KIF21A: variants seen among roughly 807,000 people sequenced by gnomAD.
KIF21A encodes kinesin-like protein KIF21A.
A neutral mutation model predicts 202.9 loss-of-function variants in KIF21A; 114 were observed. The ratio of observed to expected loss-of-function variants is 0.56; its 90% CI spans 0.48 to 0.66. The LOEUF (loss-of-function observed/expected upper bound fraction) is 0.66. KIF21A is among the 30% of genes least tolerant of loss of function. The probability of loss-of-function intolerance (pLI) is 0.00; values close to 1 mark genes in which losing one functional copy is unlikely to be tolerated. For missense variants in KIF21A, 1,677 were observed against 1,994.9 expected (o/e 0.84, Z 3.04); for synonymous variants, 667 against 670.8 (o/e 0.99, Z 0.09).
intron 1 of KIF21A, among the ~76,000 whole-genome samples, chr12:39,431,747 A>G (rs374592108): frequency 1.4e-4 from 22 of 152,350 alleles, no homozygotes; most frequent in African/African-American, 3.6e-4. Context: ...AAAGCTAACT[A>G]AAGAAACCAA....
At position 39,297,239 on chromosome 12, in the gene KIF21A, A is replaced by G. The variant is rs530955248; in HGVS notation, c.4932-2722T>C. The stretch of plus-strand genomic sequence containing the variant: ...AGGAGCAGCCATCCCATTACTGGGT[A>G]TATACCCAAAGGACTATAAATCATG... On this transcript the variant is annotated intron_variant, in intron 37 of 37. Coordinates refer to ENST00000361418, the MANE Select transcript of KIF21A (RefSeq NM_001173464.2). Among the ~76,000 whole-genome samples the G allele has an allele frequency of 1.3e-4, 20 of 152,320 alleles. No homozygotes were observed. In the South Asian group the frequency reaches 3.3e-3, roughly 25 times the overall value.
chr12:39,359,794 C>A (rs1475787887), intron 7 of KIF21A, among the ~76,000 whole-genome samples: 1 of 152,164 alleles, frequency 6.6e-6, no homozygotes, highest in African/African-American at 2.4e-5. Flanking sequence ...TACATACATC[C>A]ATTTCTTACT....
rs1017080578 is a variant in KIF21A, at chr12:39,294,242, T to G, written c.*182A>C. On this transcript the variant is annotated 3_prime_UTR_variant, in exon 38 of 38. Transcript: ENST00000361418. ...TATATCTATTGGTTGATCTTAAAAC[T>G]AAGCACACAGGATAGTACACAATTT... 2.1e-5 allele frequency: 12 copies of G among 570,118 alleles called. No individual in the cohort carries two copies. Among genetic ancestry groups the G allele is most frequent in the Non-Finnish European group, 3.5e-5 (11 of 315,010 alleles). The allele number at this position is 570,118 out of a possible 1,614,324, so 35.3% of individuals were successfully genotyped here.
intron 6 of KIF21A, among the ~76,000 whole-genome samples, chr12:39,365,949 G>A (rs539259641): frequency 6.6e-6 from 1 of 152,298 alleles, no homozygotes; most frequent in East Asian, 1.9e-4. Flanking sequence ...GCTGCAGTGA[G>A]CCATGATCGC....
chr12:39,402,793 T>A (rs1952266340), intron 1 of KIF21A, among the ~76,000 whole-genome samples: 2 of 152,330 alleles, frequency 1.3e-5, no homozygotes, highest in East Asian at 1.9e-4. Flanking sequence ...TGTTAGCGTA[T>A]TTTATGTGTG....
chr12:39,340,610 C>T (rs1947360914), intron 15 of KIF21A, among the ~76,000 whole-genome samples: 1 of 151,724 alleles, frequency 6.6e-6, no homozygotes, highest in South Asian at 2.1e-4. Flanking sequence ...TTAAAACAAC[C>T]ATAAATTTGT....
chr12:39,426,615 G>A (rs1211265498), intron 1 of KIF21A, among the ~76,000 whole-genome samples: 1 of 151,836 alleles, frequency 6.6e-6, no homozygotes, highest in Non-Finnish European at 1.5e-5. Context: ...GCTCACGCCT[G>A]TAATCCCAGC....
At chr12:39,419,685 TATAAG>T (rs1215295275) in intron 1 of KIF21A, among the ~76,000 whole-genome samples, 2 of 152,164 alleles carry the variant, frequency 1.3e-5, no homozygotes, top group Non-Finnish European at 2.9e-5. Context: ...CTTCAGGCTA[TATAAG>T]ATAAGGCTAA....
chr12:39,310,032 T>C (rs1943870554), intron 32 of KIF21A, among the ~76,000 whole-genome samples: 3 of 152,018 alleles, frequency 2.0e-5, no homozygotes. Flanking sequence ...ATTTTTGAAA[T>C]GGTCATATCA....
At chr12:39,423,552 A>T (rs1391228482) in intron 1 of KIF21A, among the ~76,000 whole-genome samples, 1 of 129,414 alleles carries the variant, frequency 7.7e-6, no homozygotes, top group Admixed American at 7.5e-5. Flanking sequence ...CATTTTTGTT[A>T]AAAAAAAAAA....
intron 1 of KIF21A, among the ~76,000 whole-genome samples, chr12:39,397,041 G>A (rs1319295153): frequency 6.6e-6 from 1 of 152,162 alleles, no homozygotes; most frequent in Non-Finnish European, 1.5e-5. Flanking sequence ...ATCTGTAGTT[G>A]CCTGAGACCG....
Position 39,356,780 on chromosome 12 carries a change from G to A in KIF21A, c.1469+52C>T. The A allele has an allele frequency of 8.3e-6, 7 of 844,508 alleles. No homozygotes were observed. In the South Asian group the frequency reaches 8.4e-5, roughly 10 times the overall value. The allele number at this position is 844,508 out of a possible 1,614,324, so 52.3% of individuals were successfully genotyped here. On this transcript the variant is annotated intron_variant, in intron 10 of 37. Transcript: ENST00000361418. ...CAACAAACAGAAATATTATAACATTGCAAAATCCAAAACAAACATGTGCAT... is the reference window on the plus strand; with the variant it reads ...CAACAAACAGAAATATTATAACATTACAAAATCCAAAACAAACATGTGCAT...
At chr12:39,338,321 G>A (rs76393008) in intron 16 of KIF21A, among the ~76,000 whole-genome samples, 2 of 151,920 alleles carry the variant, frequency 1.3e-5, no homozygotes, top group Non-Finnish European at 2.9e-5. Flanking sequence ...ATTTTTGTAC[G>A]GCTATACAGT....
At chr12:39,408,825 T>G (rs11172058) in intron 1 of KIF21A, among the ~76,000 whole-genome samples, 2,326 of 145,054 alleles carry the variant, frequency 0.016, 74 homozygotes, top group African/African-American at 0.056. Flanking sequence ...GGTTTTTTTT[T>G]GTTTTTTTTT....
chr12:39,369,792 T>C lies in KIF21A; in HGVS notation c.387A>G (p.Lys129=). ...GAAGCCCATTTTTAATTGCTATGTG[T>C]TTTTTTTCTTCAATACTCTTAAAAA... ...KHLFKSIEEK[K]HIAIKNGLPA... Residue 129 remains lysine (K), a synonymous_variant, in exon 3 of 38, where the codon AAA becomes AAG. Coordinates refer to ENST00000361418, the MANE Select transcript of KIF21A (RefSeq NM_001173464.2). The C allele has an allele frequency of 6.2e-7, 1 of 1,612,072 alleles. No individual in the cohort carries two copies. The highest frequency in any genetic ancestry group is 1.1e-5 in the South Asian group (1 of 90,914).
intron 1 of KIF21A, among the ~76,000 whole-genome samples, chr12:39,430,142 G>T (rs1390115083): frequency 6.6e-6 from 1 of 150,808 alleles, no homozygotes; most frequent in East Asian, 1.9e-4. Flanking sequence ...TTGAGCTCAG[G>T]AGTTTCAGAC....
intron 1 of KIF21A, among the ~76,000 whole-genome samples, chr12:39,415,558 A>T (rs1357704821): frequency 6.6e-6 from 1 of 152,146 alleles, no homozygotes; most frequent in Non-Finnish European, 1.5e-5. Flanking sequence ...CGCCCGGCCG[A>T]GAATGCTTCT....
intron 17 of KIF21A, among the ~76,000 whole-genome samples, chr12:39,334,518 A>G (rs1440989971): frequency 6.6e-6 from 1 of 152,084 alleles, no homozygotes; most frequent in African/African-American, 2.4e-5. Context: ...TACCACAGTG[A>G]CTGATATAAA....
chr12:39,396,148 G>A (rs919020278), intron 1 of KIF21A, among the ~76,000 whole-genome samples: 7 of 152,120 alleles, frequency 4.6e-5, no homozygotes, highest in Non-Finnish European at 1.0e-4. Flanking sequence ...ACAAGGCACA[G>A]AGACCCCCGA....
Sources: gnomAD v4.1 joint callset for allele counts (sites outside exome capture counted in the v4.1 genomes callset) on GRCh38, gnomAD v4.1.1 for gene constraint, MANE v1.5 for transcripts, NCBI Gene and HGNC (gene_info 2026-07-23, HGNC 2026-07-21) for gene names.